The following SYT6 variants were observed in gnomAD, a reference collection of about 807,000 sequenced individuals.
SYT6 encodes the protein synaptotagmin 6, also known as synaptotagmin-6.
SYT6 carries 24 observed loss-of-function variants against 38.4 expected under a neutral mutation model. The ratio of observed to expected loss-of-function variants is 0.62; its 90% CI spans 0.45 to 0.88. The LOEUF (loss-of-function observed/expected upper bound fraction) is 0.88, where lower values mean the gene tolerates loss of function less well. Among genes scored for constraint, SYT6 ranks in the 40% least tolerant of loss-of-function variants. The pLI is 0.00. For missense variants in SYT6, 611 were observed against 621.0 expected (o/e 0.98, Z 0.17); for synonymous variants, 265 against 241.9 (o/e 1.10, Z -0.89).
At chr1:114,132,734 G>A (rs978594042) in intron 3 of SYT6, among the ~76,000 whole-genome samples, 1 of 152,214 alleles carries the variant, frequency 6.6e-6, no homozygotes, top group Non-Finnish European at 1.5e-5. Flanking sequence ...CATGGGCTAA[G>A]CCAGCAGGAA....
intron 6 of SYT6, 110 bp downstream of exon 6, chr1:114,097,617 T>G: frequency 7.2e-7 from 1 of 1,380,170 alleles, no homozygotes; most frequent in Non-Finnish European, 1.0e-6. Context: ...CATGTGGCCC[T>G]CATGCCCACC....
At chr1:114,153,502 G>A (rs574665936) in intron 1 of SYT6, 108 bp downstream of exon 1, 2 of 551,194 alleles carry the variant, frequency 3.6e-6, no homozygotes, top group African/African-American at 2.0e-5. Context: ...AGAATCCCGA[G>A]CTGGGGAGTT....
chr1:114,139,379 A>C (rs734928), intron 2 of SYT6, among the ~76,000 whole-genome samples: 32,029 of 152,006 alleles, frequency 0.21, 3,624 homozygotes, highest in Middle Eastern at 0.32. Context: ...CACACACCCC[A>C]AGTGCAAACC....
At position 114,146,142 on chromosome 1, in the gene SYT6, G is replaced by C. The variant is rs544693; in HGVS notation, c.164-6179C>G. 9.5e-3 allele frequency among the ~76,000 whole-genome samples: 1,453 copies of C among 152,322 alleles called. 23 individuals carry two copies. Among genetic ancestry groups the C allele is most frequent in the African/African-American group, 0.034 (1,397 of 41,556 alleles). ...GACATCTCACTGGCAGGCAGTGCAA[G>C]GAGAATTAGGTCTCAAACACTGAGT... On this transcript the variant is annotated intron_variant, in intron 1 of 7. Coordinates refer to ENST00000610222, the MANE Select transcript of SYT6 (RefSeq NM_001253772.2).
chr1:114,110,158 T>G (rs1292807634), intron 3 of SYT6, among the ~76,000 whole-genome samples: 1 of 152,220 alleles, frequency 6.6e-6, no homozygotes, highest in Non-Finnish European at 1.5e-5. Flanking sequence ...CTTTACTTCC[T>G]ACTCAGTCCA....
chr1:114,119,174 C>A (rs1319445144), intron 3 of SYT6, among the ~76,000 whole-genome samples: 1 of 152,218 alleles, frequency 6.6e-6, no homozygotes, highest in African/African-American at 2.4e-5. Flanking sequence ...ATTACAGGCC[C>A]CTGTTCATTT....
intron 3 of SYT6, among the ~76,000 whole-genome samples, chr1:114,126,318 T>C (rs1444340402): frequency 6.6e-6 from 1 of 152,060 alleles, no homozygotes; most frequent in Non-Finnish European, 1.5e-5. Context: ...CGCGGGAAAA[T>C]GTGAAGTCCC....
chr1:114,103,325 T>C (rs1273323098), intron 4 of SYT6, among the ~76,000 whole-genome samples: 1 of 151,946 alleles, frequency 6.6e-6, no homozygotes, highest in Non-Finnish European at 1.5e-5. Flanking sequence ...AGTGCTTATA[T>C]GTGTAAGGCA....
At position 114,120,346 on chromosome 1, in the gene SYT6, A is replaced by C. The variant is rs533032318; in HGVS notation, c.1072-16625T>G. Among the ~76,000 whole-genome samples, 53 of 152,298 alleles carry C rather than the reference A, an allele frequency of 3.5e-4. 1 individual carries two copies. The highest frequency in any genetic ancestry group is 1.3e-3 in the African/African-American group (53 of 41,564). On this transcript the variant is annotated intron_variant, in intron 3 of 7. Transcript: ENST00000610222. ...TTTGTCTTTACTTAATGGACGCTGA[A>C]TTCTGTGACTATCTTTCCCTTATTG...
chr1:114,121,886 C>G (rs1289559975), intron 3 of SYT6, among the ~76,000 whole-genome samples: 2 of 152,178 alleles, frequency 1.3e-5, no homozygotes, highest in East Asian at 1.9e-4. Flanking sequence ...AGGCCCTTGT[C>G]TCATTGAAAT....
At chr1:114,113,843 C>T (rs1273677338) in intron 3 of SYT6, among the ~76,000 whole-genome samples, 1 of 152,214 alleles carries the variant, frequency 6.6e-6, no homozygotes, top group Non-Finnish European at 1.5e-5. Flanking sequence ...GATTGTACCA[C>T]TCCTTGTTTA....
chr1:114,133,268 G>C (rs145866748), intron 3 of SYT6, among the ~76,000 whole-genome samples: 1 of 152,260 alleles, frequency 6.6e-6, no homozygotes, highest in East Asian at 1.9e-4. Flanking sequence ...GCATTACCAA[G>C]CACAGCACAT....
intron 5 of SYT6, 135 bp from the exon 6 acceptor site, chr1:114,098,012 AGGGCT>A: frequency 9.7e-7 from 1 of 1,027,980 alleles, no homozygotes; most frequent in African/African-American, 1.6e-5. Flanking sequence ...GATGCTTGGC[AGGGCT>A]TCTGGGTGTC....
intron 3 of SYT6, among the ~76,000 whole-genome samples, chr1:114,130,169 C>T (rs532341413): frequency 6.6e-6 from 1 of 152,238 alleles, no homozygotes; most frequent in African/African-American, 2.4e-5. Flanking sequence ...CCCTTCAACC[C>T]ACCCTCCCCA....
intron 1 of SYT6, among the ~76,000 whole-genome samples, chr1:114,145,117 C>T (rs189350070): frequency 2.0e-5 from 3 of 152,044 alleles, no homozygotes; most frequent in East Asian, 3.9e-4. Context: ...GGGTGAAGCT[C>T]GGGGCAGGTG....
intron 3 of SYT6, among the ~76,000 whole-genome samples, chr1:114,126,693 C>G (rs1677766512): frequency 6.6e-6 from 1 of 152,206 alleles, no homozygotes; most frequent in East Asian, 1.9e-4. Context: ...CATTCATCCT[C>G]TTGTAAGGGA....
rs1345375396 is a variant in SYT6, at chr1:114,090,676, C to A, written c.*1458G>T. On this transcript the variant is annotated 3_prime_UTR_variant, in exon 8 of 8. Transcript: ENST00000610222. ...CAAGTAGTACACACAGCTCAGGAAA[C>A]TGGCACTGTGTCGCCACAAGTCGAA... 1 of 152,390 alleles carries A rather than the reference C, an allele frequency of 6.6e-6. No homozygotes were observed. Among genetic ancestry groups the A allele is most frequent in the African/African-American group, 2.4e-5 (1 of 41,466 alleles). The allele number at this position is 152,390 out of a possible 1,614,324, so 9.4% of individuals were successfully genotyped here. A position where few individuals can be genotyped will look rare whatever the true frequency, so the allele number is the denominator to read the frequency against.
At chr1:114,106,254 A>T (rs1191784911) in intron 3 of SYT6, among the ~76,000 whole-genome samples, 1 of 151,996 alleles carries the variant, frequency 6.6e-6, no homozygotes, top group African/African-American at 2.4e-5. Flanking sequence ...CAGTACTAGG[A>T]ACCAACCCAT....
intron 1 of SYT6, among the ~76,000 whole-genome samples, chr1:114,144,491 G>C (rs1679054392): frequency 6.6e-6 from 1 of 152,118 alleles, no homozygotes; most frequent in South Asian, 2.1e-4. Context: ...CCTCTGCCCT[G>C]ACCTGTCTGT....
Sources: gnomAD v4.1 joint callset for allele counts (sites outside exome capture counted in the v4.1 genomes callset) on GRCh38, gnomAD v4.1.1 for gene constraint, MANE v1.5 for transcripts, NCBI Gene and HGNC (gene_info 2026-07-23, HGNC 2026-07-21) for gene names.